The following NDST4 variants were observed in gnomAD, a reference collection of about 807,000 sequenced individuals.
The protein encoded by NDST4 is N-heparan sulfate sulfotransferase 4.
NDST4 carries 63 observed loss-of-function variants against 100.8 expected under a neutral mutation model. The ratio of observed to expected loss-of-function variants is 0.62; its 90% CI spans 0.51 to 0.77. NDST4 has a LOEUF of 0.77. Ranked by LOEUF, NDST4 falls within the 30% of genes least tolerant of loss-of-function variation. The pLI is 0.00. For synonymous variants in NDST4, 377 were observed against 361.8 expected, an observed-to-expected ratio of 1.04 and a Z score of -0.48; for missense variants, 943 against 1,018.4, an observed-to-expected ratio of 0.93 and a Z score of 1.01.
rs1425890911 is a variant in NDST4 at position 114,974,334 on chromosome 4, C to T, written c.1066+2853G>A. ...AAGAATGTAACACTCTACTTACTGT[C>T]ATGCTTGAAAGTTAATGATTTTATA... On this transcript the variant is annotated intron_variant, in intron 3 of 13. Transcript: ENST00000264363. Among the ~76,000 whole-genome samples the T allele has an allele frequency of 5.3e-5, 8 of 151,938 alleles. No homozygotes were observed. In the East Asian group the frequency reaches 1.5e-3, roughly 29 times the overall value.
At chr4:114,916,076 T>C (rs1725161163) in intron 6 of NDST4, among the ~76,000 whole-genome samples, 1 of 152,144 alleles carries the variant, frequency 6.6e-6, no homozygotes, top group African/African-American at 2.4e-5. Context: ...CATTTGTGAG[T>C]AATGGACTAT....
intron 2 of NDST4, 44 bp from the exon 3 acceptor site, chr4:114,977,318 T>C (rs1726661273): frequency 7.2e-7 from 1 of 1,395,708 alleles, no homozygotes; most frequent in Non-Finnish European, 1.0e-6. Flanking sequence ...AAAATAAATA[T>C]GAAGTTTTGG....
intron 2 of NDST4, among the ~76,000 whole-genome samples, chr4:115,027,627 G>T (rs28408781): frequency 0.058 from 8,756 of 152,068 alleles, 739 homozygotes; most frequent in African/African-American, 0.19. Flanking sequence ...TTATTTCCTT[G>T]GAAGATCCTT....
intron 6 of NDST4, among the ~76,000 whole-genome samples, chr4:114,903,796 T>G (rs60317201): frequency 0.02 from 3,091 of 152,150 alleles, 105 homozygotes; most frequent in African/African-American, 0.069. Context: ...ACATAGGCAC[T>G]ATTTTTAATA....
At chr4:115,038,641 T>C (rs1245840898) in intron 2 of NDST4, among the ~76,000 whole-genome samples, 2 of 152,220 alleles carry the variant, frequency 1.3e-5, no homozygotes, top group Non-Finnish European at 2.9e-5. Context: ...TAAGAACAGA[T>C]ATTTTTAACA....
rs377265865 is a variant in NDST4 at position 115,060,185 on chromosome 4, C to T, written c.978+15874G>A. Among the ~76,000 whole-genome samples, 16 of 151,994 alleles carry T rather than the reference C, an allele frequency of 1.1e-4. No homozygotes were observed. The East Asian group carries it at 2.7e-3, about 26-fold the overall frequency. On this transcript the variant is annotated intron_variant, in intron 2 of 13. Transcript: ENST00000264363. ...CTATATGGATGCCAATCAATGTGTT[C>T]CTTCTTTCTACAAAAGTTGCTAGGT...
rs183729794 is a variant in NDST4 at position 115,008,526 on chromosome 4, G to A, written c.979-31252C>T. Among the ~76,000 whole-genome samples, 871 of 128,172 alleles carry A rather than the reference G, an allele frequency of 6.8e-3. 212 individuals carry two copies. The highest frequency in any genetic ancestry group is 0.025 in the African/African-American group (835 of 33,708). The allele number at this position is 128,172 out of a possible 152,430, so 84.1% of individuals were successfully genotyped here. On this transcript the variant is annotated intron_variant, in intron 2 of 13. Transcript: ENST00000264363. The stretch of plus-strand genomic sequence containing the variant: ...AACTCTCAATAAATTAGGTATTGAT[G>A]GGACATATCTCAAAATAATAAGAGC...
At chr4:115,095,448 T>C (rs1729601069) in intron 1 of NDST4, among the ~76,000 whole-genome samples, 1 of 152,150 alleles carries the variant, frequency 6.6e-6, no homozygotes, top group Non-Finnish European at 1.5e-5. Context: ...AGCTCTCTGG[T>C]ATATGTTTTC....
At chr4:115,048,292 A>T (rs944211901) in intron 2 of NDST4, among the ~76,000 whole-genome samples, 1 of 152,206 alleles carries the variant, frequency 6.6e-6, no homozygotes, top group African/African-American at 2.4e-5. Context: ...ATTAGTTAGA[A>T]AAACAAGGTT....
intron 6 of NDST4, among the ~76,000 whole-genome samples, chr4:114,926,888 A>G (rs1390292144): frequency 6.6e-6 from 1 of 152,120 alleles, no homozygotes; most frequent in Non-Finnish European, 1.5e-5. Flanking sequence ...TCTAGAGGGG[A>G]AAATTCCAGG....
At chr4:115,063,655 A>T (rs516919) in intron 2 of NDST4, among the ~76,000 whole-genome samples, 1 of 151,400 alleles carries the variant, frequency 6.6e-6, no homozygotes, top group African/African-American at 2.4e-5. Context: ...ATTAATTGTC[A>T]AATTAATTAC....
At chr4:115,079,941 A>C (rs1021547041) in intron 1 of NDST4, among the ~76,000 whole-genome samples, 1 of 152,176 alleles carries the variant, frequency 6.6e-6, no homozygotes, top group Admixed American at 6.6e-5. Context: ...TTTTCAAAAA[A>C]TTAAAAATTT....
chr4:114,874,781 G>T (rs542993808), intron 6 of NDST4, among the ~76,000 whole-genome samples: 54 of 152,222 alleles, frequency 3.5e-4, no homozygotes, highest in Non-Finnish European at 6.5e-4. Flanking sequence ...CAAAAGATAT[G>T]TGGTATGAGA....
At chr4:114,850,817 T>C (rs993996951) in intron 8 of NDST4, among the ~76,000 whole-genome samples, 3 of 152,146 alleles carry the variant, frequency 2.0e-5, no homozygotes, top group South Asian at 2.1e-4. Flanking sequence ...TCTTTTTACA[T>C]TGACAATACC....
At chr4:115,063,993 G>A (rs528031084) in intron 2 of NDST4, among the ~76,000 whole-genome samples, 4 of 152,012 alleles carry the variant, frequency 2.6e-5, no homozygotes, top group African/African-American at 7.2e-5. Context: ...ATCTAATACT[G>A]TAAAGTAACC....
intron 2 of NDST4, among the ~76,000 whole-genome samples, chr4:115,013,699 T>C (rs1727611074): frequency 6.6e-6 from 1 of 151,914 alleles, no homozygotes; most frequent in African/African-American, 2.4e-5. Flanking sequence ...TGTTTATTTC[T>C]GCAGTTCTGA....
At chr4:114,965,124 T>A (rs279539) in intron 4 of NDST4, among the ~76,000 whole-genome samples, 132,102 of 151,968 alleles carry the variant, frequency 0.87, 57,945 homozygotes, top group African/African-American at 0.92. Context: ...AAATATCCTT[T>A]TCTTCTCTAA....
chr4:115,033,147 A>T (rs1728153210), intron 2 of NDST4, among the ~76,000 whole-genome samples: 3 of 126,752 alleles, frequency 2.4e-5, no homozygotes, highest in African/African-American at 1.0e-4. Flanking sequence ...ATATATATAT[A>T]TATATATATA....
At chr4:114,849,444 G>C (rs1346855272) in intron 8 of NDST4, among the ~76,000 whole-genome samples, 1 of 152,336 alleles carries the variant, frequency 6.6e-6, no homozygotes, top group East Asian at 1.9e-4. Flanking sequence ...TCTGGAAGTA[G>C]ACAAGGCCAG....
Sources: allele counts gnomAD v4.1 joint callset (sites outside exome capture counted in the v4.1 genomes callset), GRCh38; gene constraint gnomAD v4.1.1; transcripts MANE v1.5; gene names NCBI Gene and HGNC (gene_info 2026-07-23, HGNC 2026-07-21).